The following ACSL4 variants were observed in gnomAD, a reference collection of about 807,000 sequenced individuals.
ACSL4 encodes acyl-CoA synthetase long chain family member 4.
Under a neutral mutation model 49.1 loss-of-function variants are expected in ACSL4, and 9 were observed. The observed-to-expected ratio is 0.18, with a 90% CI of 0.11 to 0.32. The LOEUF is 0.32. Among genes scored for constraint, ACSL4 ranks in the 10% least tolerant of loss-of-function variants. The pLI is 1.00. For missense variants in ACSL4, 333 were observed against 493.7 expected, an observed-to-expected ratio of 0.67 and a Z score of 3.08; for synonymous variants, 191 against 170.3, an observed-to-expected ratio of 1.12 and a Z score of -0.95.
At chrX:109,652,853 T>A (rs1921263192) in intron 15 of ACSL4, among the ~76,000 whole-genome samples, 1 of 111,448 alleles carries the variant, frequency 9.0e-6, no homozygotes, top group Non-Finnish European at 1.9e-5. Flanking sequence ...ACACTGTTTT[T>A]ATAGGTATAA....
intron 1 of ACSL4, among the ~76,000 whole-genome samples, chrX:109,700,039 C>T (rs1267403591): frequency 3.7e-5 from 4 of 107,240 alleles, no homozygotes; most frequent in Non-Finnish European, 7.7e-5. Context: ...GAAACCCTAT[C>T]GCTACTAAAA....
Position 109,661,571 on chromosome X carries a change from T to C in ACSL4, c.1657A>G (p.Asn553Asp). 1 of 1,209,625 alleles carries C rather than the reference T, an allele frequency of 8.3e-7. No individual in the cohort carries two copies. The highest frequency in any genetic ancestry group is 1.1e-6 in the Non-Finnish European group (1 of 893,823). ...SLGKVEAALK[N>D]CPLIDNICAF... The stretch of plus-strand genomic sequence containing the variant: ...CAGATGTTGTCAATAAGTGGACAAT[T>C]CTTCAGTGCAGCTTCTACTTTCCCA... The change falls in exon 14 of 16, where the codon AAT becomes GAT. Residue 553 changes from asparagine to aspartate, a missense_variant. Asn to Asp is a conservative substitution (Grantham distance 23). Coordinates refer to ENST00000672401, the MANE Select transcript of ACSL4 (RefSeq NM_001318510.2).
In ACSL4 at chrX:109,642,959, TAAAATTAAAGC is replaced by T. The variant is rs1371996118; in HGVS notation, c.*1059_*1069del. 8.9e-6 allele frequency: 1 copy of T among 112,154 alleles called. No individual in the cohort carries two copies. The highest frequency in any genetic ancestry group is 2.8e-4 in the East Asian group (1 of 3,610). 9.2% of individuals were successfully genotyped at this position (112,154 alleles called of 1,213,427 possible). On this transcript the variant is annotated 3_prime_UTR_variant, in exon 16 of 16. Coordinates refer to ENST00000672401, the MANE Select transcript of ACSL4 (RefSeq NM_001318510.2). ...AGTCATTCATTATAACCCGCTTTGC[TAAAATTAAAGC>T]AAAATGAAAGGCTTTCTGAAATGCA...
chrX:109,727,789 C>T (rs995392417), intron 1 of ACSL4, among the ~76,000 whole-genome samples: 16 of 109,431 alleles, frequency 1.5e-4, no homozygotes, highest in Non-Finnish European at 1.9e-5. Context: ...ATTGGCTTCA[C>T]GGGACATAAG....
At chrX:109,659,624 T>C (rs1922000737) in intron 14 of ACSL4, 113 bp from the exon 15 acceptor site, 3 of 513,272 alleles carry the variant, frequency 5.8e-6, no homozygotes, top group African/African-American at 2.4e-5. Context: ...CTCTTATTTA[T>C]TAAAGTTTCA....
At chrX:109,672,445 T>C (rs930702585) in intron 9 of ACSL4, among the ~76,000 whole-genome samples, 5 of 111,655 alleles carry the variant, frequency 4.5e-5, no homozygotes, top group African/African-American at 1.6e-4. Flanking sequence ...GCAGAGTTTA[T>C]TGTTAGCACA....
chrX:109,684,780 G>A (rs1924453019), intron 2 of ACSL4, among the ~76,000 whole-genome samples: 1 of 111,422 alleles, frequency 9.0e-6, no homozygotes, highest in Non-Finnish European at 1.9e-5. Flanking sequence ...AGAAATGAAA[G>A]AGGAATGGAA....
At chrX:109,661,998 ACT>A (rs1371390966) in intron 13 of ACSL4, among the ~76,000 whole-genome samples, 14 of 111,202 alleles carry the variant, frequency 1.3e-4, no homozygotes, top group Non-Finnish European at 2.3e-4. Context: ...CTGAATGGTA[ACT>A]CTGCCTGGTA....
intron 14 of ACSL4, among the ~76,000 whole-genome samples, chrX:109,661,322 G>A (rs768341329): frequency 2.7e-5 from 3 of 111,542 alleles, no homozygotes; most frequent in Non-Finnish European, 5.7e-5. Flanking sequence ...TTAGCAAGAT[G>A]CAGGTGTCCA....
chrX:109,661,615 G>A lies in ACSL4; in HGVS notation c.1613C>T (p.Ala538Val). 2.5e-6 allele frequency: 3 copies of A among 1,201,272 alleles called. No homozygotes were observed. The highest frequency in any genetic ancestry group is 3.4e-6 in the Non-Finnish European group (3 of 886,659). ...TTTCCCAAGAGATACATACTCTCCT[G>A]CTTGTAACTTCACTAGATCTTTCTT... ...DRKKDLVKLQ[A>V]GEYVSLGKVE... Residue 538 changes from alanine (A) to valine (V), a missense_variant, in exon 14 of 16, where the codon GCA becomes GTA. By Grantham distance (64) the Ala-to-Val change is moderately conservative (BLOSUM62 0). Around this residue, in one of 3 missense-constraint regions of ACSL4, gnomAD observed 175 missense variants for 275.8 expected, o/e 0.63. Transcript: ENST00000672401.
Position 109,715,518 on chromosome X carries a change from T to C in ACSL4, c.-66+17621A>G, listed in dbSNP as rs765267971. On this transcript the variant is annotated intron_variant, in intron 1 of 15. Transcript: ENST00000672401. ...AGCCAGGCATGGTTGTGTACACCTG[T>C]AATCCCAGATACTTGGGAGGCTGAG... Among the ~76,000 whole-genome samples the C allele has an allele frequency of 1.1e-4, 12 of 110,374 alleles. 3 individuals are homozygous for C. Among genetic ancestry groups the C allele is most frequent in the South Asian group, 7.8e-4 (2 of 2,548 alleles).
chrX:109,682,618 G>T, intron 4 of ACSL4, 101 bp downstream of exon 4: 1 of 970,069 alleles, frequency 1.0e-6, no homozygotes, highest in Non-Finnish European at 1.5e-6. Flanking sequence ...TGTGTAAAAT[G>T]GCTAAACAAC....
At chrX:109,667,096 A>C (rs1374204776) in intron 11 of ACSL4, among the ~76,000 whole-genome samples, 1 of 112,854 alleles carries the variant, frequency 8.9e-6, no homozygotes, top group African/African-American at 3.2e-5. Context: ...TGGTATCACC[A>C]TTGACACAAA....
At position 109,678,421 on chromosome X, in the gene ACSL4, T is replaced by C. The variant is rs1377049868; in HGVS notation, c.656-6A>G. The C allele has an allele frequency of 2.7e-5, 33 of 1,209,669 alleles. No individual in the cohort carries two copies. Among genetic ancestry groups the C allele is most frequent in the Non-Finnish European group, 3.7e-5 (33 of 893,495 alleles). On this transcript the variant is annotated splice_region_variant and splice_polypyrimidine_tract_variant and intron_variant, in intron 6 of 15. Coordinates refer to ENST00000672401, the MANE Select transcript of ACSL4 (RefSeq NM_001318510.2). ...TCTACTTGGAGGAATGCCCACTAAA[T>C]GAATGAATGAAAAATATCACATTTA...
chrX:109,732,287 G>C (rs1928524377), intron 1 of ACSL4, among the ~76,000 whole-genome samples: 1 of 111,777 alleles, frequency 8.9e-6, no homozygotes, highest in African/African-American at 3.3e-5. Flanking sequence ...AATTTCAAGA[G>C]GGTGAAAAAT....
intron 15 of ACSL4, among the ~76,000 whole-genome samples, chrX:109,659,029 T>G (rs1921944359): frequency 1.8e-5 from 2 of 112,227 alleles, no homozygotes; most frequent in South Asian, 7.3e-4. Context: ...CACTATTTAC[T>G]AAACTTAGAG....
intron 1 of ACSL4, among the ~76,000 whole-genome samples, chrX:109,701,504 A>G (rs1925928807): frequency 9.4e-6 from 1 of 106,473 alleles, no homozygotes; most frequent in South Asian, 4.1e-4. Context: ...GGCATGAGCC[A>G]CCTCGCCTGG....
intron 1 of ACSL4, among the ~76,000 whole-genome samples, chrX:109,732,106 G>A (rs1199575815): frequency 8.9e-6 from 1 of 112,346 alleles, no homozygotes; most frequent in Non-Finnish European, 1.9e-5. Flanking sequence ...ACTGATTTTT[G>A]CAGAAGAGGA....
At chrX:109,675,542 C>G (rs1923607206) in intron 8 of ACSL4, among the ~76,000 whole-genome samples, 1 of 111,649 alleles carries the variant, frequency 9.0e-6, no homozygotes, top group South Asian at 3.7e-4. Flanking sequence ...TTCTAATGTA[C>G]TAGCTTAGCC....
Sources: gnomAD v4.1 joint callset for allele counts (sites outside exome capture counted in the v4.1 genomes callset) on GRCh38, gnomAD v4.1.1 for gene constraint, gnomAD v4.1.1 regional missense constraint, MANE v1.5 for transcripts, NCBI Gene and HGNC (gene_info 2026-07-23, HGNC 2026-07-21) for gene names.